CNTNAP2: variants seen among roughly 807,000 people sequenced by gnomAD.
CNTNAP2 encodes the protein contactin associated protein 2, also known as contactin-associated protein-like 2.
Under a neutral mutation model 155.2 loss-of-function variants are expected in CNTNAP2, and 98 were observed. That is an observed-to-expected ratio of 0.63 (90% CI 0.54 to 0.75). The LOEUF is 0.75. CNTNAP2 is among the 30% of genes least tolerant of loss of function. CNTNAP2 has a pLI of 0.00. For synonymous variants in CNTNAP2, 651 were observed against 631.2 expected (o/e 1.03, Z -0.47); for missense variants, 1,727 against 1,688.1 (o/e 1.02, Z -0.40).
intron 10 of CNTNAP2, among the ~76,000 whole-genome samples, chr7:147,424,808 T>G (rs1797352352): frequency 6.6e-6 from 1 of 152,174 alleles, no homozygotes; most frequent in Non-Finnish European, 1.5e-5. Context: ...AAATGTCAAC[T>G]CCATTCATCT....
intron 14 of CNTNAP2, among the ~76,000 whole-genome samples, chr7:147,968,616 G>C (rs1005185389): frequency 3.9e-5 from 6 of 152,112 alleles, no homozygotes; most frequent in African/African-American, 1.4e-4. Context: ...ATGAACAAAG[G>C]CTTTAACTTC....
chr7:147,442,200 G>A (rs972921398), intron 10 of CNTNAP2, among the ~76,000 whole-genome samples: 3 of 152,152 alleles, frequency 2.0e-5, no homozygotes, highest in African/African-American at 7.2e-5. Flanking sequence ...TCCTGCAGCT[G>A]AGCTGGCACT....
intron 9 of CNTNAP2, among the ~76,000 whole-genome samples, chr7:147,335,682 G>A (rs1180801678): frequency 6.6e-6 from 1 of 152,176 alleles, no homozygotes; most frequent in East Asian, 1.9e-4. Flanking sequence ...TTATTTAGCA[G>A]AGGGTAACAT....
chr7:147,520,469 G>A (rs544223102), intron 11 of CNTNAP2, among the ~76,000 whole-genome samples: 1 of 152,306 alleles, frequency 6.6e-6, no homozygotes, highest in East Asian at 1.9e-4. Flanking sequence ...TATCGCTGAG[G>A]TTAGTGTCTC....
At chr7:147,253,823 C>G (rs1402252274) in intron 8 of CNTNAP2, among the ~76,000 whole-genome samples, 1 of 152,138 alleles carries the variant, frequency 6.6e-6, no homozygotes, top group Non-Finnish European at 1.5e-5. Context: ...CTTAAGAGTG[C>G]CATTTTCTGA....
Position 148,413,963 on chromosome 7 carries a change from T to C in CNTNAP2, c.3797-1454T>C, listed in dbSNP as rs145251995. Among the ~76,000 whole-genome samples the C allele has an allele frequency of 9.4e-3, 1,432 of 152,274 alleles. 15 individuals are homozygous for C. Among genetic ancestry groups the C allele is most frequent in the Middle Eastern group, 0.027 (8 of 294 alleles). Reference sequence around the variant, plus strand: ...TTCATGTCTTGTAGATATCATATAGTAGGCATCTTTTTTATCCACTGTCTC... The same window carrying C: ...TTCATGTCTTGTAGATATCATATAGCAGGCATCTTTTTTATCCACTGTCTC... On this transcript the variant is annotated intron_variant, in intron 23 of 23. Transcript: ENST00000361727.
intron 1 of CNTNAP2, among the ~76,000 whole-genome samples, chr7:146,618,650 GT>G (rs1213609566): frequency 6.6e-6 from 1 of 152,096 alleles, no homozygotes; most frequent in Non-Finnish European, 1.5e-5. Flanking sequence ...AGAGCAGAAT[GT>G]TAGTTCATTT....
intron 11 of CNTNAP2, among the ~76,000 whole-genome samples, chr7:147,552,771 G>A (rs1040336482): frequency 1.2e-4 from 18 of 152,160 alleles, no homozygotes; most frequent in Admixed American, 3.3e-4. Context: ...ACAAGTGTTA[G>A]GACCCTGTAG....
intron 8 of CNTNAP2, among the ~76,000 whole-genome samples, chr7:147,190,616 G>A (rs1004072199): frequency 1.5e-4 from 23 of 152,122 alleles, no homozygotes; most frequent in Non-Finnish European, 3.4e-4. Context: ...TTGAGGGCTG[G>A]ATATACCGAT....
rs372909256 is a variant in CNTNAP2 at position 147,411,540 on chromosome 7, G to A, written c.1670+15760G>A. 3.1e-3 allele frequency among the ~76,000 whole-genome samples: 476 copies of A among 152,192 alleles called. 5 individuals are homozygous for A. The highest frequency in any genetic ancestry group is 0.012 in the Admixed American group (188 of 15,286). On this transcript the variant is annotated intron_variant, in intron 10 of 23. Transcript: ENST00000361727. ...GTATAATATATCTAGAAAGCGATCC[G>A]AGACCCAGACTCAAACATTCTGCTC... is the stretch of plus-strand genomic sequence containing the variant.
chr7:147,277,794 A>G (rs556626163), intron 8 of CNTNAP2, among the ~76,000 whole-genome samples: 318 of 151,196 alleles, frequency 2.1e-3, no homozygotes, highest in Non-Finnish European at 3.9e-3. Flanking sequence ...TTTACTTTTC[A>G]TAAACTTTAT....
rs541472616 is a variant in CNTNAP2 at position 147,647,005 on chromosome 7, G to A, written c.2098+7699G>A. 5.4e-5 allele frequency among the ~76,000 whole-genome samples: 8 copies of A among 148,530 alleles called. 1 individual carries two copies. The highest frequency in any genetic ancestry group is 4.2e-4 in the South Asian group (2 of 4,728). On this transcript the variant is annotated intron_variant, in intron 13 of 23. Transcript: ENST00000361727. Reference sequence around the variant, plus strand: ...TTCACTTTTTTTTTTTTTTTGAGACGGAATCTCACTCTGTCACCAGGCTGG... The same window carrying A: ...TTCACTTTTTTTTTTTTTTTGAGACAGAATCTCACTCTGTCACCAGGCTGG...
intron 19 of CNTNAP2, among the ~76,000 whole-genome samples, chr7:148,225,543 T>C (rs906076976): frequency 6.6e-6 from 1 of 152,046 alleles, no homozygotes; most frequent in African/African-American, 2.4e-5. Flanking sequence ...TGGTGAGCCA[T>C]TGCAAGAAGT....
chr7:147,679,317 C>T (rs910704110), intron 13 of CNTNAP2, among the ~76,000 whole-genome samples: 2 of 151,864 alleles, frequency 1.3e-5, no homozygotes, highest in African/African-American at 4.8e-5. Context: ...ATATGATACA[C>T]TAAGGAAATA....
intron 1 of CNTNAP2, among the ~76,000 whole-genome samples, chr7:146,351,611 A>C (rs1452262302): frequency 1.3e-5 from 2 of 152,130 alleles, no homozygotes; most frequent in Non-Finnish European, 2.9e-5. Flanking sequence ...GATTCTTCTT[A>C]ATTTTTTTAC....
intron 12 of CNTNAP2, among the ~76,000 whole-genome samples, chr7:147,606,783 G>A (rs1395252150): frequency 6.6e-6 from 1 of 152,030 alleles, no homozygotes; most frequent in Non-Finnish European, 1.5e-5. Context: ...CTTGCATTGC[G>A]GTTTTGGGAA....
At chr7:147,332,452 C>G (rs1470313112) in intron 9 of CNTNAP2, among the ~76,000 whole-genome samples, 2 of 152,060 alleles carry the variant, frequency 1.3e-5, no homozygotes, top group African/African-American at 4.8e-5. Context: ...ACTTACCACT[C>G]AGAAAATGCC....
chr7:146,948,150 A>T (rs1300018524), intron 3 of CNTNAP2, among the ~76,000 whole-genome samples: 1 of 152,162 alleles, frequency 6.6e-6, no homozygotes, highest in Non-Finnish European at 1.5e-5. Context: ...TTTGCTATTT[A>T]TCTTTTTCTC....
intron 1 of CNTNAP2, among the ~76,000 whole-genome samples, chr7:146,353,547 G>T (rs1794953568): frequency 6.6e-6 from 1 of 152,112 alleles, no homozygotes; most frequent in African/African-American, 2.4e-5. Context: ...TCTCCTGAAA[G>T]CCTCAGACTT....
Sources: allele counts gnomAD v4.1 joint callset (sites outside exome capture counted in the v4.1 genomes callset), GRCh38; gene constraint gnomAD v4.1.1; transcripts MANE v1.5; gene names NCBI Gene and HGNC (gene_info 2026-07-23, HGNC 2026-07-21).